Variants in PRSS23 observed in about 807,000 individuals in gnomAD.
PRSS23 encodes the protein protease, serine 23.
A neutral mutation model predicts 34.7 loss-of-function variants in PRSS23; 25 were observed. That is an observed-to-expected ratio of 0.72 (90% CI 0.53 to 1.01). The LOEUF (loss-of-function observed/expected upper bound fraction) is 1.01. Among genes scored for constraint, PRSS23 ranks in the 50% least tolerant of loss-of-function variants. The pLI, the probability that PRSS23 is intolerant of heterozygous loss-of-function variation, is 0.00. For synonymous variants in PRSS23, 176 were observed against 186.6 expected, an observed-to-expected ratio of 0.94 and a Z score of 0.46; for missense variants, 445 against 475.6, an observed-to-expected ratio of 0.94 and a Z score of 0.60.
At chr11:86,945,404 A>G (rs919129028) in intron 2 of PRSS23, among the ~76,000 whole-genome samples, 1 of 151,234 alleles carries the variant, frequency 6.6e-6, no homozygotes, top group Non-Finnish European at 1.5e-5. Context: ...TAACAACTTG[A>G]GAACTATAGT....
chr11:86,931,786 C>A (rs1949127483), intron 2 of PRSS23, among the ~76,000 whole-genome samples: 2 of 152,092 alleles, frequency 1.3e-5, no homozygotes, highest in African/African-American at 4.8e-5. Context: ...GGATTACAGG[C>A]ATGAGCCATC....
rs866839041 is a variant in PRSS23, at chr11:86,828,863, C to T, written c.206+5270C>T. Among the ~76,000 whole-genome samples the T allele has an allele frequency of 2.0e-4, 30 of 152,270 alleles. 1 individual carries two copies. Among genetic ancestry groups the T allele is most frequent in the Middle Eastern group, 3.4e-3 (1 of 294 alleles). On this transcript the variant is annotated intron_variant, in intron 2 of 2. Transcript: ENST00000533902. ...CTTGTAGAGTTTCTGCCGAGAGATCCGCTGTTAGTCTGATGGGCTTCCGTT... is the reference window on the plus strand; with the variant it reads ...CTTGTAGAGTTTCTGCCGAGAGATCTGCTGTTAGTCTGATGGGCTTCCGTT...
chr11:86,857,468 A>G (rs1157581988), intron 2 of PRSS23: 1 of 396,102 alleles, frequency 2.5e-6, no homozygotes, highest in Non-Finnish European at 4.9e-6. Context: ...GATGGGTCAC[A>G]GAAAAAAAAT....
At chr11:86,795,043 C>A (rs1324155324) in intron 1 of PRSS23, among the ~76,000 whole-genome samples, 1 of 152,058 alleles carries the variant, frequency 6.6e-6, no homozygotes. Flanking sequence ...GCCTGTAGAC[C>A]AGACTGAAGA....
At chr11:86,832,265 G>A (rs576936230) in intron 2 of PRSS23, among the ~76,000 whole-genome samples, 1 of 151,928 alleles carries the variant, frequency 6.6e-6, no homozygotes, top group Admixed American at 6.5e-5. Context: ...TAACATCCAG[G>A]GTAAATATGA....
At chr11:86,902,457 G>C (rs780249772) in intron 2 of PRSS23, among the ~76,000 whole-genome samples, 3 of 151,936 alleles carry the variant, frequency 2.0e-5, no homozygotes, top group Non-Finnish European at 4.4e-5. Flanking sequence ...CCCAAGCTTC[G>C]GCCACTTCAG....
intron 2 of PRSS23, among the ~76,000 whole-genome samples, chr11:86,864,164 T>C (rs545541029): frequency 6.6e-6 from 1 of 152,346 alleles, no homozygotes; most frequent in Non-Finnish European, 1.5e-5. Context: ...GGCCTTGAGA[T>C]GTGACTGCAG....
chr11:86,907,181 A>T (rs1841593979), intron 2 of PRSS23, among the ~76,000 whole-genome samples: 1 of 152,168 alleles, frequency 6.6e-6, no homozygotes, highest in Non-Finnish European at 1.5e-5. Flanking sequence ...ACGTACATGT[A>T]TATTTTTGTA....
At chr11:86,863,035 T>A (rs1272724238) in intron 2 of PRSS23, among the ~76,000 whole-genome samples, 1 of 152,070 alleles carries the variant, frequency 6.6e-6, no homozygotes, top group Non-Finnish European at 1.5e-5. Context: ...AATATCACTG[T>A]GGGAGCACAT....
chr11:86,845,088 C>T (rs1356134993), intron 2 of PRSS23, among the ~76,000 whole-genome samples: 1 of 140,782 alleles, frequency 7.1e-6, no homozygotes, highest in African/African-American at 2.8e-5. Flanking sequence ...AACTCTGTCT[C>T]AGAAAAAAAA....
intron 2 of PRSS23, among the ~76,000 whole-genome samples, chr11:86,917,326 C>G (rs1949019931): frequency 6.6e-6 from 1 of 152,142 alleles, no homozygotes; most frequent in Admixed American, 6.5e-5. Flanking sequence ...CTCAATCAAT[C>G]AATGAATTTG....
At chr11:86,804,331 A>G (rs1046418879) in intron 1 of PRSS23, among the ~76,000 whole-genome samples, 11 of 152,160 alleles carry the variant, frequency 7.2e-5, no homozygotes, top group South Asian at 2.1e-4. Flanking sequence ...AGTTTCTAAA[A>G]GTCTGCATTC....
At chr11:86,873,287 T>TATATATAC (rs755018085) in intron 2 of PRSS23, among the ~76,000 whole-genome samples, 140 of 43,760 alleles carry the variant, frequency 3.2e-3, no homozygotes, top group African/African-American at 8.7e-3. Flanking sequence ...TATATATACA[T>TATATATAC]ATATATATAT....
intron 2 of PRSS23, among the ~76,000 whole-genome samples, chr11:86,925,811 C>G (rs1214235996): frequency 6.6e-6 from 1 of 152,230 alleles, no homozygotes; most frequent in Non-Finnish European, 1.5e-5. Flanking sequence ...CTAACCAACA[C>G]TGTCTTTCCA....
upstream of PRSS23, among the ~76,000 whole-genome samples, chr11:86,796,640 C>A (rs1367708341): frequency 1.9e-4 from 15 of 80,314 alleles, no homozygotes; most frequent in African/African-American, 5.7e-4. Flanking sequence ...GACTCCGTCT[C>A]AAAAAAAAAA....
intron 2 of PRSS23, chr11:86,832,814 A>T: frequency 3.3e-6 from 1 of 298,570 alleles, no homozygotes; most frequent in East Asian, 8.6e-5. Context: ...AGAGAAAATG[A>T]TCCGTGAGAT....
chr11:86,873,019 C>A (rs984544319), intron 2 of PRSS23, among the ~76,000 whole-genome samples: 2 of 152,130 alleles, frequency 1.3e-5, no homozygotes, highest in African/African-American at 4.8e-5. Flanking sequence ...TTAATTAACT[C>A]TGAATTTTTA....
chr11:86,793,782 G>A (rs2044592292), intron 1 of PRSS23, among the ~76,000 whole-genome samples: 1 of 152,032 alleles, frequency 6.6e-6, no homozygotes, highest in Non-Finnish European at 1.5e-5. Context: ...AAAGAGCTAG[G>A]TTCTCTGCTA....
At chr11:86,854,113 G>A (rs1288985109) in intron 2 of PRSS23, among the ~76,000 whole-genome samples, 1 of 152,058 alleles carries the variant, frequency 6.6e-6, no homozygotes, top group East Asian at 1.9e-4. Context: ...CCATTCTCCT[G>A]CCTCAGCCTC....
Sources: allele counts gnomAD v4.1 joint callset (sites outside exome capture counted in the v4.1 genomes callset), GRCh38; gene constraint gnomAD v4.1.1; transcripts MANE v1.5; gene names NCBI Gene and HGNC (gene_info 2026-07-23, HGNC 2026-07-21).